FAM222B: variants seen among roughly 807,000 people sequenced by gnomAD.
The protein encoded by FAM222B is protein FAM222B.
FAM222B carries 12 observed loss-of-function variants against 38.0 expected under a neutral mutation model. The observed-to-expected ratio is 0.32, with a 90% confidence interval of 0.20 to 0.51. The LOEUF is 0.51. Among genes scored for constraint, FAM222B ranks in the 20% least tolerant of loss-of-function variants. The probability of loss-of-function intolerance (pLI) is 0.97; values close to 1 mark genes in which losing one functional copy is unlikely to be tolerated. For missense variants in FAM222B, 716 were observed against 754.2 expected (o/e 0.95, Z 0.59); for synonymous variants, 329 against 317.2 (o/e 1.04, Z -0.40).
intron 1 of FAM222B, chr17:28,834,192 CAACT>C (rs1397531543): frequency 6.6e-6 from 1 of 152,212 alleles, no homozygotes; most frequent in Non-Finnish European, 1.5e-5. Flanking sequence ...TTCTCCCAAC[CAACT>C]AGTCTCCCTA....
intron 1 of FAM222B, among the ~76,000 whole-genome samples, chr17:28,838,475 G>A (rs1306278109): frequency 6.6e-6 from 1 of 151,586 alleles, no homozygotes; most frequent in Non-Finnish European, 1.5e-5. Context: ...AGCTACTCAG[G>A]AGGCGGAGGC....
chr17:28,768,156 C>T (rs1316867213), intron 1 of FAM222B, among the ~76,000 whole-genome samples: 2 of 152,214 alleles, frequency 1.3e-5, no homozygotes, highest in Non-Finnish European at 2.9e-5. Context: ...AGTACACGAA[C>T]TTCTTTTCCC....
rs528103505 is a variant in FAM222B at position 28,758,790 on chromosome 17, C to T, written c.1169G>A (p.Gly390Asp). The T allele has an allele frequency of 4.4e-6, 7 of 1,576,700 alleles. No individual in the cohort carries two copies. The African/African-American group carries it at 8.1e-5, about 18-fold the overall frequency. Residue 390 changes from glycine to aspartate, a missense_variant, in exon 3 of 3, where the codon GGC becomes GAC. Physicochemically the swap from Gly to Asp is moderately conservative, Grantham distance 94. Coordinates refer to ENST00000581407, the MANE Select transcript of FAM222B (RefSeq NM_001077498.3). ...ASGTPAPGLTGKHAAGRELAG... is the reference protein window; with the variant it reads ...ASGTPAPGLTDKHAAGRELAG... The stretch of plus-strand genomic sequence containing the variant: ...CAACTCGCGTCCTGCCGCATGCTTG[C>T]CTGTCAGGCCAGGGGCTGGCGTCCC...
intron 1 of FAM222B, among the ~76,000 whole-genome samples, chr17:28,822,386 G>A (rs1430147526): frequency 1.4e-5 from 2 of 148,138 alleles, no homozygotes; most frequent in Non-Finnish European, 3.0e-5. Context: ...ACTTTGGGAG[G>A]CCGAAGGCAG....
In FAM222B at chr17:28,758,173, C is replaced by G. The variant is rs939053067; in HGVS notation, c.*97G>C. 30 of 1,072,342 alleles carry G rather than the reference C, an allele frequency of 2.8e-5. No homozygotes were observed. The highest frequency in any genetic ancestry group is 3.8e-5 in the Non-Finnish European group (28 of 743,466). 66.4% of individuals were successfully genotyped at this position (1,072,342 alleles called of 1,614,324 possible). A position where few individuals can be genotyped will look rare whatever the true frequency, so the allele number is the denominator to read the frequency against. On this transcript the variant is annotated 3_prime_UTR_variant, in exon 3 of 3. Transcript: ENST00000581407. Reference sequence around the variant, plus strand: ...TCTTAGACATCTAAGAATGATCACACTGGAGCAGTGAAACTTTGAAACTAT... The same window carrying G: ...TCTTAGACATCTAAGAATGATCACAGTGGAGCAGTGAAACTTTGAAACTAT...
chr17:28,790,006 G>A (rs565382150), intron 1 of FAM222B, among the ~76,000 whole-genome samples: 1 of 152,112 alleles, frequency 6.6e-6, no homozygotes, highest in Non-Finnish European at 1.5e-5. Flanking sequence ...AGTTTGGGGA[G>A]TATTTATCTG....
At chr17:28,854,048 A>T (rs916867557) in intron 1 of FAM222B, among the ~76,000 whole-genome samples, 1 of 146,018 alleles carries the variant, frequency 6.8e-6, no homozygotes, top group African/African-American at 2.6e-5. Flanking sequence ...GGTTCACGCC[A>T]TTCTCCTGCC....
intron 1 of FAM222B, among the ~76,000 whole-genome samples, chr17:28,798,447 T>C (rs1597951786): frequency 6.6e-6 from 1 of 151,984 alleles, no homozygotes; most frequent in East Asian, 1.9e-4. Context: ...CTGGGTAGGG[T>C]AATAATTTTA....
At chr17:28,817,061 G>A (rs1340227479) in intron 1 of FAM222B, among the ~76,000 whole-genome samples, 2 of 151,878 alleles carry the variant, frequency 1.3e-5, no homozygotes, top group Admixed American at 1.3e-4. Context: ...TTAATAAGAT[G>A]TGGTCTTTGT....
chr17:28,852,693 T>C (rs1280193728), intron 1 of FAM222B, among the ~76,000 whole-genome samples: 2 of 152,032 alleles, frequency 1.3e-5, no homozygotes, highest in Non-Finnish European at 2.9e-5. Context: ...CCCACAGCCC[T>C]CTCCTGCTCA....
intron 2 of FAM222B, among the ~76,000 whole-genome samples, chr17:28,762,902 C>T (rs556036921): frequency 2.1e-4 from 31 of 150,978 alleles, no homozygotes; most frequent in Non-Finnish European, 3.4e-4. Context: ...CGCACCACTG[C>T]ACTCCAACCT....
At chr17:28,779,857 T>C (rs542388644) in intron 1 of FAM222B, among the ~76,000 whole-genome samples, 9 of 152,096 alleles carry the variant, frequency 5.9e-5, no homozygotes, top group Non-Finnish European at 1.3e-4. Flanking sequence ...ATAAAAGCAA[T>C]GTACCTCAAT....
chr17:28,785,579 A>G (rs2151854195), intron 1 of FAM222B, among the ~76,000 whole-genome samples: 1 of 152,342 alleles, frequency 6.6e-6, no homozygotes, highest in African/African-American at 2.4e-5. Flanking sequence ...CTTGTTGCCC[A>G]GGCTGGAGTG....
At chr17:28,810,686 CA>C (rs963062510) in intron 1 of FAM222B, among the ~76,000 whole-genome samples, 1 of 152,148 alleles carries the variant, frequency 6.6e-6, no homozygotes, top group African/African-American at 2.4e-5. Flanking sequence ...AATAAAAACC[CA>C]AAACCTGACA....
chr17:28,782,844 A>T (rs547115853), intron 1 of FAM222B, among the ~76,000 whole-genome samples: 1 of 152,090 alleles, frequency 6.6e-6, no homozygotes, highest in East Asian at 1.9e-4. Flanking sequence ...TCTTTAAAAA[A>T]CGAACAAACT....
rs1005861300 is a variant in FAM222B at position 28,763,077 on chromosome 17, T to C, written c.83-3201A>G. Among the ~76,000 whole-genome samples the C allele has an allele frequency of 3.3e-5, 5 of 152,174 alleles. No individual in the cohort carries two copies. In the East Asian group the frequency reaches 9.6e-4, roughly 29 times the overall value. ...CAGCTTTGTAAGCGACTTACTTAAA[T>C]AGCTTATACCAATAGTGTCATTAAT... On this transcript the variant is annotated intron_variant, in intron 2 of 2. Transcript: ENST00000581407.
chr17:28,773,118 T>G (rs1597875084), intron 1 of FAM222B, among the ~76,000 whole-genome samples: 1 of 152,122 alleles, frequency 6.6e-6, no homozygotes, highest in African/African-American at 2.4e-5. Flanking sequence ...ACTCTAGAGC[T>G]CTCACTGGCA....
At chr17:28,824,765 G>GCTTC (rs371168542) in intron 1 of FAM222B, among the ~76,000 whole-genome samples, 36 of 152,174 alleles carry the variant, frequency 2.4e-4, no homozygotes, top group African/African-American at 8.2e-4. Context: ...TGGTCTCCTT[G>GCTTC]CTTCCTTCTA....
At chr17:28,779,297 A>C (rs1413761795) in intron 1 of FAM222B, among the ~76,000 whole-genome samples, 3 of 152,098 alleles carry the variant, frequency 2.0e-5, no homozygotes, top group Non-Finnish European at 2.9e-5. Context: ...ATACTAACAA[A>C]CCAAATTCAA....
Sources: allele counts gnomAD v4.1 joint callset (sites outside exome capture counted in the v4.1 genomes callset), GRCh38; gene constraint gnomAD v4.1.1; transcripts MANE v1.5; gene names NCBI Gene and HGNC (gene_info 2026-07-23, HGNC 2026-07-21).